Variants in PTPRN2 observed in about 807,000 individuals in gnomAD.
The protein encoded by PTPRN2 is receptor-type tyrosine-protein phosphatase N2.
In PTPRN2, 74 loss-of-function variants were observed where a neutral mutation model predicts 118.8. The observed-to-expected ratio is 0.62, with a 90% CI of 0.52 to 0.76. The LOEUF is 0.76. Among genes scored for constraint, PTPRN2 ranks in the 30% least tolerant of loss-of-function variants. The pLI, the probability that PTPRN2 is intolerant of heterozygous loss-of-function variation, is 0.00. For missense variants in PTPRN2, 1,481 were observed against 1,394.4 expected (o/e 1.06, Z -0.99); for synonymous variants, 641 against 608.0 (o/e 1.05, Z -0.80).
At chr7:158,187,319 G>A (rs1825251670) in intron 5 of PTPRN2, among the ~76,000 whole-genome samples, 1 of 152,228 alleles carries the variant, frequency 6.6e-6, no homozygotes, top group South Asian at 2.1e-4. Flanking sequence ...CATTTTTGAT[G>A]ATGGGTACAT....
At chr7:158,115,696 C>T (rs146263138) in intron 9 of PTPRN2, among the ~76,000 whole-genome samples, 49 of 152,040 alleles carry the variant, frequency 3.2e-4, no homozygotes, top group Non-Finnish European at 5.6e-4. Flanking sequence ...TGGATTCCAA[C>T]CCCTGGAATT....
intron 6 of PTPRN2, among the ~76,000 whole-genome samples, chr7:158,166,136 G>A (rs919223901): frequency 3.3e-5 from 5 of 150,496 alleles, no homozygotes; most frequent in Non-Finnish European, 7.4e-5. Context: ...CATGTTGCCC[G>A]CCCCATCCAT....
At chr7:158,233,795 A>T (rs1445452961) in intron 3 of PTPRN2, among the ~76,000 whole-genome samples, 1 of 152,248 alleles carries the variant, frequency 6.6e-6, no homozygotes, top group Non-Finnish European at 1.5e-5. Context: ...GGAACAGAAT[A>T]GAGAATCCAG....
chr7:157,604,104 G>A, intron 15 of PTPRN2, 29 bp from the exon 16 acceptor site: 1 of 1,607,970 alleles, frequency 6.2e-7, no homozygotes, highest in Non-Finnish European at 8.5e-7. Flanking sequence ...GGGGTCAGAG[G>A]AACATTGGCC....
rs1802351176 is a variant in PTPRN2 at position 157,764,862 on chromosome 7, A to G, written c.1789-81925T>C. The stretch of plus-strand genomic sequence containing the variant: ...CCATTCATCCATCCATCCATCAAGC[A>G]CTCATCCATCCTTCCATCCTTCATC... On this transcript the variant is annotated intron_variant, in intron 12 of 22. Coordinates refer to ENST00000389418, the MANE Select transcript of PTPRN2 (RefSeq NM_002847.5). This position sits in a 1 kb window ranked among gnomAD's most constrained non-coding sequence, Gnocchi z 4.5. 6.6e-6 allele frequency among the ~76,000 whole-genome samples: 1 copy of G among 151,094 alleles called. No individual in the cohort carries two copies. The highest frequency in any genetic ancestry group is 6.6e-5 in the Admixed American group (1 of 15,178).
At chr7:157,771,931 CACAG>C (rs377464444) in intron 12 of PTPRN2, among the ~76,000 whole-genome samples, 1,903 of 150,544 alleles carry the variant, frequency 0.013, 35 homozygotes, top group African/African-American at 0.044. Context: ...CAGAGACACA[CACAG>C]ACACATACAA....
intron 2 of PTPRN2, among the ~76,000 whole-genome samples, chr7:158,373,874 G>T (rs550814576): frequency 6.6e-6 from 1 of 152,182 alleles, no homozygotes; most frequent in Non-Finnish European, 1.5e-5. Context: ...GGGCCCTCCC[G>T]TCTCTCTGCG....
At chr7:158,300,097 C>G (rs1800778150) in intron 3 of PTPRN2, among the ~76,000 whole-genome samples, 1 of 152,140 alleles carries the variant, frequency 6.6e-6, no homozygotes, top group South Asian at 2.1e-4. Flanking sequence ...TGGCAGCAAG[C>G]AATTTATGTC....
At chr7:158,196,332 C>A (rs1305995443) in intron 4 of PTPRN2, among the ~76,000 whole-genome samples, 1 of 152,210 alleles carries the variant, frequency 6.6e-6, no homozygotes, top group Non-Finnish European at 1.5e-5. Context: ...TCAACTCTGG[C>A]AGGCCACTGA....
At position 157,682,779 on chromosome 7, in the gene PTPRN2, C is replaced by T. The variant is rs753975130; in HGVS notation, c.1947G>A (p.Glu649=). ...GGTCGCCCCCTAGTCCCGAGAGCTT[C>T]TCCTTCAGCCTGTGCTGAGAGCTAT... is the stretch of plus-strand genomic sequence containing the variant. ...LRHSSQHRLK[E]KLSGLGGDPG... The change falls in exon 13 of 23, where the codon GAG becomes GAA. Residue 649 remains glutamate, a synonymous_variant. Transcript: ENST00000389418. 2.5e-6 allele frequency: 4 copies of T among 1,614,144 alleles called. No individual in the cohort carries two copies.
chr7:158,498,772 G>A (rs1343247636), intron 1 of PTPRN2, among the ~76,000 whole-genome samples: 1 of 152,230 alleles, frequency 6.6e-6, no homozygotes, highest in East Asian at 1.9e-4. Context: ...CTATGCCGGG[G>A]ATGAAATGGT....
intron 2 of PTPRN2, among the ~76,000 whole-genome samples, chr7:158,327,387 A>T (rs977317574): frequency 6.6e-5 from 10 of 150,742 alleles, no homozygotes; most frequent in South Asian, 2.1e-4. Flanking sequence ...TATCACATGC[A>T]CACACATGCT....
intron 2 of PTPRN2, among the ~76,000 whole-genome samples, chr7:158,420,701 A>G (rs1815176900): frequency 6.6e-6 from 1 of 152,154 alleles, no homozygotes; most frequent in African/African-American, 2.4e-5. Flanking sequence ...GGCTTCCCAG[A>G]AGATACTCCC....
intron 13 of PTPRN2, among the ~76,000 whole-genome samples, chr7:157,666,291 G>A (rs1796133598): frequency 6.6e-6 from 1 of 152,124 alleles, no homozygotes; most frequent in Non-Finnish European, 1.5e-5. Context: ...TAGCTGCTCT[G>A]TAGCTTTTTA....
intron 9 of PTPRN2, among the ~76,000 whole-genome samples, chr7:158,123,752 CTAGGTACGGAAGGTCTATA>C (rs1394337581): frequency 6.6e-6 from 1 of 152,242 alleles, no homozygotes; most frequent in Non-Finnish European, 1.5e-5. Flanking sequence ...AACTAAAGAT[CTAGGTACGGAAGGTCTATA>C]TAGCGTCACC....
At chr7:158,324,999 A>G (rs984849454) in intron 2 of PTPRN2, among the ~76,000 whole-genome samples, 1 of 151,624 alleles carries the variant, frequency 6.6e-6, no homozygotes, top group Non-Finnish European at 1.5e-5. Flanking sequence ...AACGTCACTC[A>G]CTGCGTTACC....
intron 15 of PTPRN2, among the ~76,000 whole-genome samples, chr7:157,620,084 T>G (rs1393361351): frequency 1.3e-5 from 2 of 152,184 alleles, no homozygotes; most frequent in Non-Finnish European, 2.9e-5. Context: ...GGAGAGTAAC[T>G]AAGAAACTCT....
In PTPRN2 at chr7:157,748,105, C is replaced by A. The variant is rs1439599601; in HGVS notation, c.1789-65168G>T. Among the ~76,000 whole-genome samples the A allele has an allele frequency of 8.2e-5, 12 of 147,032 alleles. 1 individual carries two copies. The highest frequency in any genetic ancestry group is 3.0e-4 in the African/African-American group (12 of 39,450). ...GTGGGCTGTTGAGGTGATTCTGAGG[C>A]CTGCGTCCCTGAGCTGTCTGGTGTC... On this transcript the variant is annotated intron_variant, in intron 12 of 22. Coordinates refer to ENST00000389418, the MANE Select transcript of PTPRN2 (RefSeq NM_002847.5).
At chr7:157,911,995 G>A (rs541800848) in intron 11 of PTPRN2, among the ~76,000 whole-genome samples, 3 of 152,184 alleles carry the variant, frequency 2.0e-5, no homozygotes, top group East Asian at 1.9e-4. Flanking sequence ...TACCCAGTCC[G>A]GTGGGAAACT....
Sources: gnomAD v4.1 joint callset for allele counts (sites outside exome capture counted in the v4.1 genomes callset) on GRCh38, gnomAD v4.1.1 for gene constraint, Gnocchi (gnomAD v3.1) non-coding constraint, MANE v1.5 for transcripts, NCBI Gene and HGNC (gene_info 2026-07-23, HGNC 2026-07-21) for gene names.